The following DCDC1 variants were observed in gnomAD, a reference collection of about 807,000 sequenced individuals.
DCDC1 encodes doublecortin domain containing 1.
In DCDC1, 200 loss-of-function variants were observed where a neutral mutation model predicts 178.3. The ratio of observed to expected loss-of-function variants is 1.12; its 90% CI spans 1.00 to 1.26. The LOEUF is 1.26. Among genes scored for constraint, DCDC1 ranks in the 50% most tolerant of loss-of-function variants. The pLI is 0.00. For missense variants in DCDC1, 1,983 were observed against 1,749.2 expected (o/e 1.13, Z -2.38); for synonymous variants, 690 against 604.8 (o/e 1.14, Z -2.07).
intron 9 of DCDC1, among the ~76,000 whole-genome samples, chr11:31,193,008 A>C (rs2136364063): frequency 6.6e-6 from 1 of 152,186 alleles, no homozygotes; most frequent in African/African-American, 2.4e-5. Flanking sequence ...CACAACTCCA[A>C]GTTCTCAAGT....
chr11:31,359,110 T>C (rs1951559742), intron 1 of DCDC1, among the ~76,000 whole-genome samples: 1 of 152,130 alleles, frequency 6.6e-6, no homozygotes, highest in South Asian at 2.1e-4. Context: ...CTATAAATCA[T>C]GCTGCTATAA....
intron 11 of DCDC1, among the ~76,000 whole-genome samples, chr11:31,113,516 A>G (rs1335479614): frequency 7.4e-6 from 1 of 134,738 alleles, no homozygotes; most frequent in Non-Finnish European, 1.5e-5. Flanking sequence ...TTCAATTCCC[A>G]CCTATGAGTG....
At chr11:30,906,300 T>C (rs747878472) in intron 30 of DCDC1, 5 of 406,986 alleles carry the variant, frequency 1.2e-5, no homozygotes, top group Non-Finnish European at 2.2e-5. Context: ...TGTCAGTAAA[T>C]GATTAAAGCT....
At position 30,906,662 on chromosome 11, in the gene DCDC1, A is replaced by T. The variant is rs377112344; in HGVS notation, c.3982T>A (p.Ser1328Thr). 1.6e-5 allele frequency: 26 copies of T among 1,613,658 alleles called. No individual in the cohort carries two copies. The highest frequency in any genetic ancestry group is 4.4e-5 in the South Asian group (4 of 91,068). The change falls in exon 30 of 39, where the codon TCC (serine) becomes ACC (threonine). Residue 1328 changes from serine to threonine, a missense_variant. Physicochemically the swap from Ser to Thr is moderately conservative, Grantham distance 58. Coordinates refer to ENST00000684477, the MANE Select transcript of DCDC1 (RefSeq NM_001387274.1). ...TTCAGTCCTTTCTCTGTTCTCATGG[A>T]TTGTCCACAAGCCAAGCAGAGCATA... ...KTMLCLACGQSMRTEKGLKQL... is the reference protein window; with the variant it reads ...KTMLCLACGQTMRTEKGLKQL...
intron 9 of DCDC1, 134 bp downstream of exon 9, chr11:31,241,316 C>A (rs1977108819): frequency 1.0e-5 from 4 of 386,598 alleles, no homozygotes; most frequent in Admixed American, 8.9e-5. Flanking sequence ...GCATTTTTGG[C>A]TCCCTAACAG....
In DCDC1 at chr11:30,978,779, AACACACACACACACACACAC is replaced by A. The variant is rs56058117; in HGVS notation, c.2592-26231_2592-26212del. Among the ~76,000 whole-genome samples the A allele has an allele frequency of 9.4e-3, 1,119 of 119,016 alleles. 17 individuals carry two copies. Among genetic ancestry groups the A allele is most frequent in the South Asian group, 0.03 (115 of 3,822 alleles). The allele number at this position is 119,016 out of a possible 152,430, so 78.1% of individuals were successfully genotyped here. Reference sequence around the variant, plus strand: ...TTCTTCATCCTCCCAGTCCCCCCTCAACACACACACACACACACACACACACACACACACACACACACACA... The same window carrying A: ...TTCTTCATCCTCCCAGTCCCCCCTCAACACACACACACACACACACACACA... On this transcript the variant is annotated intron_variant, in intron 20 of 38. Coordinates refer to ENST00000684477, the MANE Select transcript of DCDC1 (RefSeq NM_001387274.1).
At chr11:31,352,921 C>A (rs1213964125) in intron 1 of DCDC1, among the ~76,000 whole-genome samples, 1 of 152,162 alleles carries the variant, frequency 6.6e-6, no homozygotes, top group Non-Finnish European at 1.5e-5. Context: ...GTGGGAGATG[C>A]AATTAGAATG....
At chr11:31,023,426 G>A (rs1180690570) in intron 20 of DCDC1, among the ~76,000 whole-genome samples, 1 of 151,968 alleles carries the variant, frequency 6.6e-6, no homozygotes, top group Non-Finnish European at 1.5e-5. Flanking sequence ...GCAATCAAAG[G>A]CTTATGTTGG....
chr11:31,250,385 T>TACACACACACACAC lies in DCDC1; in HGVS notation c.1055-8783_1055-8770dup, dbSNP rs10640581. Among the ~76,000 whole-genome samples the TACACACACACACAC allele has an allele frequency of 9.7e-4, 90 of 92,678 alleles. 2 individuals are homozygous for TACACACACACACAC. The highest frequency in any genetic ancestry group is 6.3e-3 in the Middle Eastern group (1 of 158). The allele number at this position is 92,678 out of a possible 152,430, so 60.8% of individuals were successfully genotyped here. ...TATGAAAGGAATCAGAGTGAATGAA[T>TACACACACACACAC]ACACACACACACACACACACACACA... On this transcript the variant is annotated intron_variant, in intron 8 of 38. Coordinates refer to ENST00000684477, the MANE Select transcript of DCDC1 (RefSeq NM_001387274.1).
intron 38 of DCDC1, among the ~76,000 whole-genome samples, chr11:30,873,370 G>T (rs867761675): frequency 1.0e-3 from 153 of 150,864 alleles, no homozygotes; most frequent in African/African-American, 3.1e-3. Context: ...TATATAGAGA[G>T]AGAGAGAGAG....
intron 9 of DCDC1, among the ~76,000 whole-genome samples, chr11:31,150,785 T>C (rs1309067691): frequency 6.6e-6 from 1 of 152,110 alleles, no homozygotes; most frequent in East Asian, 1.9e-4. Context: ...AGATCAAATA[T>C]AATTCAAAAA....
chr11:31,143,236 A>G (rs1964055822), intron 9 of DCDC1, among the ~76,000 whole-genome samples: 1 of 152,212 alleles, frequency 6.6e-6, no homozygotes, highest in Non-Finnish European at 1.5e-5. Flanking sequence ...AATAATAGGT[A>G]GTATCTGGCT....
At chr11:31,191,657 CA>C (rs1354040935) in intron 9 of DCDC1, among the ~76,000 whole-genome samples, 2 of 151,800 alleles carry the variant, frequency 1.3e-5, no homozygotes. Flanking sequence ...AGAACAAATT[CA>C]AATAAAGGTC....
intron 4 of DCDC1, among the ~76,000 whole-genome samples, chr11:31,307,218 C>T (rs754311433): frequency 2.0e-5 from 3 of 152,138 alleles, no homozygotes; most frequent in Non-Finnish European, 2.9e-5. Flanking sequence ...TCTATGAACT[C>T]TCATGTTAAC....
chr11:31,331,728 C>T (rs1424254660), intron 2 of DCDC1, among the ~76,000 whole-genome samples: 1 of 152,154 alleles, frequency 6.6e-6, no homozygotes, highest in Non-Finnish European at 1.5e-5. Flanking sequence ...GGGATGAAGC[C>T]TACTTGATCG....
At chr11:31,368,691 T>A (rs559505239) in intron 1 of DCDC1, among the ~76,000 whole-genome samples, 1 of 152,338 alleles carries the variant, frequency 6.6e-6, no homozygotes, top group Admixed American at 6.5e-5. Flanking sequence ...TGCTTAAGTT[T>A]ATCTTGACTG....
intron 22 of DCDC1, among the ~76,000 whole-genome samples, chr11:30,930,295 C>A (rs1198319205): frequency 6.6e-6 from 1 of 152,056 alleles, no homozygotes; most frequent in Non-Finnish European, 1.5e-5. Context: ...AGCCACCCTG[C>A]AATGTAACCC....
At chr11:31,252,863 C>T (rs181218421) in intron 8 of DCDC1, among the ~76,000 whole-genome samples, 98 of 151,890 alleles carry the variant, frequency 6.5e-4, no homozygotes, top group African/African-American at 2.0e-3. Context: ...CAAGCAGTGA[C>T]GGGATGGACA....
intron 9 of DCDC1, among the ~76,000 whole-genome samples, chr11:31,220,315 C>T (rs1974108308): frequency 6.6e-6 from 1 of 152,132 alleles, no homozygotes; most frequent in African/African-American, 2.4e-5. Context: ...ATAATATATT[C>T]TTGATGAAAC....
Sources: allele counts gnomAD v4.1 joint callset (sites outside exome capture counted in the v4.1 genomes callset), GRCh38; gene constraint gnomAD v4.1.1; transcripts MANE v1.5; gene names NCBI Gene and HGNC (gene_info 2026-07-23, HGNC 2026-07-21).